C1QTNF3: variants seen among roughly 807,000 people sequenced by gnomAD.
C1QTNF3 encodes the protein C1q and TNF related 3.
C1QTNF3 carries 26 observed loss-of-function variants against 32.6 expected under a neutral mutation model. That is an observed-to-expected ratio of 0.80 (90% CI 0.58 to 1.11). The LOEUF (loss-of-function observed/expected upper bound fraction) is 1.11. Ranked by LOEUF, C1QTNF3 falls within the 50% of genes least tolerant of loss-of-function variation. The pLI, the probability that C1QTNF3 is intolerant of heterozygous loss-of-function variation, is 0.00. For missense variants in C1QTNF3, 362 were observed against 398.2 expected (o/e 0.91, Z 0.77); for synonymous variants, 155 against 146.0 (o/e 1.06, Z -0.44).
At chr5:34,050,934 TG>T in the C1QTNF3 span, among the ~76,000 whole-genome samples, 3 of 152,238 alleles carry the variant, frequency 2.0e-5, no homozygotes, top group Non-Finnish European at 4.4e-5. Context: ...TTTGTTCTTC[TG>T]TCTTTCAGAT....
chr5:34,118,635 C>T, the C1QTNF3 span, among the ~76,000 whole-genome samples: 4 of 151,184 alleles, frequency 2.6e-5, no homozygotes, highest in African/African-American at 4.9e-5. Flanking sequence ...GTATTTTTTT[C>T]TAGTTGGAAA....
intron 1 of C1QTNF3, among the ~76,000 whole-genome samples, chr5:34,036,980 C>G (rs960748766): frequency 6.6e-6 from 1 of 152,082 alleles, no homozygotes; most frequent in Admixed American, 6.6e-5. Flanking sequence ...AAATGATTAT[C>G]TCACTGTTTG....
chr5:34,239,879 G>A, the C1QTNF3 span, among the ~76,000 whole-genome samples: 1 of 151,140 alleles, frequency 6.6e-6, no homozygotes, highest in African/African-American at 2.4e-5. Flanking sequence ...TTGACCACAT[G>A]CTTGGTCATA....
chr5:34,136,594 T>C, the C1QTNF3 span, among the ~76,000 whole-genome samples: 1 of 152,268 alleles, frequency 6.6e-6, no homozygotes, highest in Admixed American at 6.5e-5. Context: ...AGTGTGGTGA[T>C]GCCTCAAGAG....
At chr5:34,208,366 T>C in the C1QTNF3 span, among the ~76,000 whole-genome samples, 4 of 152,208 alleles carry the variant, frequency 2.6e-5, no homozygotes, top group Non-Finnish European at 5.9e-5. Flanking sequence ...TTAAAATTCA[T>C]CCTGCAGTAG....
chr5:34,042,376 T>C (rs1436786853), intron 1 of C1QTNF3, among the ~76,000 whole-genome samples: 1 of 152,174 alleles, frequency 6.6e-6, no homozygotes, highest in Non-Finnish European at 1.5e-5. Flanking sequence ...AAAAAAACTT[T>C]GATTGCTTTT....
At chr5:34,195,823 G>C in the C1QTNF3 span, among the ~76,000 whole-genome samples, 2 of 151,034 alleles carry the variant, frequency 1.3e-5, no homozygotes, top group Admixed American at 1.3e-4. Context: ...CTGGGTGACA[G>C]AGCGAGACTC....
chr5:34,211,984 T>C, the C1QTNF3 span, among the ~76,000 whole-genome samples: 924 of 152,228 alleles, frequency 6.1e-3, 2 homozygotes, highest in Middle Eastern at 0.02. Context: ...GGAGGCATCA[T>C]GCTACCTGAC....
chr5:34,114,527 T>C, the C1QTNF3 span, among the ~76,000 whole-genome samples: 1 of 152,194 alleles, frequency 6.6e-6, no homozygotes, highest in Non-Finnish European at 1.5e-5. Context: ...CTGGGACTTA[T>C]ATTTTCCTGT....
the C1QTNF3 span, among the ~76,000 whole-genome samples, chr5:34,118,018 T>C: frequency 6.6e-6 from 1 of 152,220 alleles, no homozygotes. Flanking sequence ...TCTGTGTAAC[T>C]ATATAATTAT....
the C1QTNF3 span, among the ~76,000 whole-genome samples, chr5:34,148,127 C>T: frequency 1.3e-5 from 2 of 150,010 alleles, no homozygotes; most frequent in South Asian, 2.2e-4. Flanking sequence ...CACTCCCACC[C>T]GAATATTGCG....
At chr5:34,065,771 G>T in the C1QTNF3 span, among the ~76,000 whole-genome samples, 1 of 152,284 alleles carries the variant, frequency 6.6e-6, no homozygotes, top group East Asian at 1.9e-4. Flanking sequence ...ACTGTGGAAA[G>T]CAGTCTGGAG....
At chr5:34,116,177 C>CA in the C1QTNF3 span, among the ~76,000 whole-genome samples, 1 of 152,080 alleles carries the variant, frequency 6.6e-6, no homozygotes, top group Non-Finnish European at 1.5e-5. Context: ...GTAAATTTCT[C>CA]AAATTTCCTT....
chr5:34,023,288 T>C (rs1754386783), intron 5 of C1QTNF3, among the ~76,000 whole-genome samples: 1 of 152,230 alleles, frequency 6.6e-6, no homozygotes, highest in South Asian at 2.1e-4. Context: ...ACTCTTGCCC[T>C]GGACTGGTGA....
chr5:34,156,335 T>A, the C1QTNF3 span, among the ~76,000 whole-genome samples: 1 of 152,196 alleles, frequency 6.6e-6, no homozygotes, highest in Non-Finnish European at 1.5e-5. Context: ...CCTCCCAAAG[T>A]GCTGGGATTA....
chr5:34,108,713 C>T, the C1QTNF3 span, among the ~76,000 whole-genome samples: 2 of 149,654 alleles, frequency 1.3e-5, no homozygotes, highest in South Asian at 2.2e-4. Flanking sequence ...TTGTATCTTA[C>T]AAGACACAAG....
chr5:34,170,950 G>A, the C1QTNF3 span, among the ~76,000 whole-genome samples: 4 of 151,982 alleles, frequency 2.6e-5, no homozygotes, highest in African/African-American at 7.2e-5. Context: ...GAGATTGAGG[G>A]AGGTCTCAAT....
chr5:34,218,566 C>T, the C1QTNF3 span: 5 of 152,446 alleles, frequency 3.3e-5, no homozygotes, highest in African/African-American at 1.2e-4. Context: ...ATAACTAACA[C>T]CTGTCCCCAT....
chr5:34,118,272 T>C, the C1QTNF3 span, among the ~76,000 whole-genome samples: 1 of 151,908 alleles, frequency 6.6e-6, no homozygotes, highest in African/African-American at 2.4e-5. Flanking sequence ...AGAGAAAGAG[T>C]TTCTGCATGT....
Sources: allele counts gnomAD v4.1 joint callset (sites outside exome capture counted in the v4.1 genomes callset), GRCh38; gene constraint gnomAD v4.1.1; transcripts MANE v1.5; gene names NCBI Gene and HGNC (gene_info 2026-07-23, HGNC 2026-07-21).